PPP1R13B: variants seen among roughly 807,000 people sequenced by gnomAD.
PPP1R13B encodes apoptosis-stimulating of p53 protein 1.
PPP1R13B carries 44 observed loss-of-function variants against 119.8 expected under a neutral mutation model. The observed-to-expected ratio is 0.37, with a 90% confidence interval of 0.29 to 0.47. The LOEUF (loss-of-function observed/expected upper bound fraction) is 0.47. PPP1R13B is among the 20% of genes least tolerant of loss of function. The pLI is 0.99. For missense variants in PPP1R13B, 1,227 were observed against 1,413.5 expected, an observed-to-expected ratio of 0.87 and a Z score of 2.12; for synonymous variants, 542 against 561.5, an observed-to-expected ratio of 0.97 and a Z score of 0.49.
intron 4 of PPP1R13B, among the ~76,000 whole-genome samples, chr14:103,774,273 A>G (rs1410907882): frequency 6.6e-6 from 1 of 152,182 alleles, no homozygotes; most frequent in Non-Finnish European, 1.5e-5. Flanking sequence ...ACTGACTCAG[A>G]TTTTAAAACT....
intron 1 of PPP1R13B, among the ~76,000 whole-genome samples, chr14:103,811,991 C>T (rs568398753): frequency 2.3e-5 from 3 of 128,734 alleles, no homozygotes; most frequent in Non-Finnish European, 3.1e-5. Flanking sequence ...ACCTGGGAGG[C>T]GGAGCTTGCG....
At chr14:103,751,465 C>A (rs190576983) in intron 7 of PPP1R13B, among the ~76,000 whole-genome samples, 2 of 152,316 alleles carry the variant, frequency 1.3e-5, no homozygotes, top group African/African-American at 4.8e-5. Flanking sequence ...AGACCTATTT[C>A]TGGCTTGAAA....
intron 1 of PPP1R13B, among the ~76,000 whole-genome samples, chr14:103,814,912 T>A (rs557733490): frequency 6.6e-6 from 1 of 151,620 alleles, no homozygotes; most frequent in South Asian, 2.1e-4. Flanking sequence ...ACCACTGCAC[T>A]GCAGCCTGGG....
At chr14:103,735,948 A>C (rs1018947609) in intron 16 of PPP1R13B, 55 bp downstream of exon 16, 2 of 1,579,242 alleles carry the variant, frequency 1.3e-6, no homozygotes, top group African/African-American at 2.7e-5. Context: ...ATAGGACCGC[A>C]TGCTGTACAG....
At chr14:103,813,753 C>T (rs1036440461) in intron 1 of PPP1R13B, among the ~76,000 whole-genome samples, 7 of 152,182 alleles carry the variant, frequency 4.6e-5, no homozygotes, top group African/African-American at 1.7e-4. Flanking sequence ...CGTATAGATA[C>T]GTGTCTGAGT....
chr14:103,764,964 GC>G (rs1399115661), intron 4 of PPP1R13B, among the ~76,000 whole-genome samples: 7 of 152,172 alleles, frequency 4.6e-5, no homozygotes, highest in African/African-American at 1.7e-4. Context: ...GACTACAGAC[GC>G]CCGCCACCAC....
chr14:103,808,458 T>C (rs1280606772), intron 1 of PPP1R13B, among the ~76,000 whole-genome samples: 1 of 152,104 alleles, frequency 6.6e-6, no homozygotes, highest in African/African-American at 2.4e-5. Context: ...GAAAAAAAGA[T>C]CATTAAAAAA....
At chr14:103,777,922 G>A (rs1239265187) in intron 4 of PPP1R13B, among the ~76,000 whole-genome samples, 1 of 151,300 alleles carries the variant, frequency 6.6e-6, no homozygotes, top group Non-Finnish European at 1.5e-5. Flanking sequence ...AGCCTCCTGA[G>A]TAGCTGGGAC....
intron 1 of PPP1R13B, among the ~76,000 whole-genome samples, chr14:103,822,030 C>T (rs191901216): frequency 6.6e-6 from 1 of 152,280 alleles, no homozygotes; most frequent in Admixed American, 6.5e-5. Flanking sequence ...AAACCAAGAC[C>T]TTCCCATGCA....
chr14:103,794,184 T>C (rs1354270061), intron 2 of PPP1R13B, among the ~76,000 whole-genome samples: 1 of 152,224 alleles, frequency 6.6e-6, no homozygotes, highest in Non-Finnish European at 1.5e-5. Flanking sequence ...GGCACTTTGT[T>C]ACGGCAGCCT....
chr14:103,754,362 C>T (rs1326490097), intron 5 of PPP1R13B, 118 bp from the exon 6 acceptor site: 25 of 888,208 alleles, frequency 2.8e-5, no homozygotes, highest in Middle Eastern at 3.5e-4. Context: ...GTCAGGAGTT[C>T]GAGACCAGCC....
At chr14:103,744,907 G>A (rs1339956781) in intron 9 of PPP1R13B, among the ~76,000 whole-genome samples, 4 of 152,202 alleles carry the variant, frequency 2.6e-5, no homozygotes, top group Non-Finnish European at 5.9e-5. Context: ...TCTCCTTGCT[G>A]CAACCCCTTG....
chr14:103,758,248 G>A (rs912557362), intron 4 of PPP1R13B, among the ~76,000 whole-genome samples: 1 of 152,146 alleles, frequency 6.6e-6, no homozygotes, highest in Non-Finnish European at 1.5e-5. Context: ...CACATCATCC[G>A]AGAGAATTAC....
chr14:103,811,606 T>G (rs2086157808), intron 1 of PPP1R13B, among the ~76,000 whole-genome samples: 2 of 152,100 alleles, frequency 1.3e-5, no homozygotes, highest in South Asian at 4.1e-4. Flanking sequence ...GAGGATTGCT[T>G]GAGCCCAGAA....
At chr14:103,814,718 G>A (rs1447949742) in intron 1 of PPP1R13B, among the ~76,000 whole-genome samples, 1 of 152,168 alleles carries the variant, frequency 6.6e-6, no homozygotes, top group African/African-American at 2.4e-5. Context: ...AGCCAAGGTG[G>A]GCGGATCACG....
chr14:103,738,628 T>C lies in PPP1R13B; in HGVS notation c.2864+51A>G, dbSNP rs1410376122. 2.5e-6 allele frequency: 4 copies of C among 1,605,638 alleles called. No individual in the cohort carries two copies. The highest frequency in any genetic ancestry group is 3.4e-6 in the Non-Finnish European group (4 of 1,173,534). On this transcript the variant is annotated intron_variant, in intron 14 of 16. Coordinates refer to ENST00000202556, the MANE Select transcript of PPP1R13B (RefSeq NM_015316.3). This position sits in a 1 kb window ranked among gnomAD's most constrained non-coding sequence, Gnocchi z 5.6. ...GTCTAGAACACGCCTGTTTTCCTTA[T>C]GCAAAGCAGGGAAAGTAAATCTGTC...
At chr14:103,815,215 A>G (rs1463202997) in intron 1 of PPP1R13B, among the ~76,000 whole-genome samples, 1 of 152,208 alleles carries the variant, frequency 6.6e-6, no homozygotes, top group Non-Finnish European at 1.5e-5. Context: ...GTTTTTATAA[A>G]ATGTCCAAAA....
chr14:103,829,823 G>A (rs535921964), intron 1 of PPP1R13B, among the ~76,000 whole-genome samples: 6 of 152,138 alleles, frequency 3.9e-5, no homozygotes, highest in African/African-American at 1.2e-4. Context: ...TCTGTCACCA[G>A]GCTGGAGTGC....
chr14:103,815,662 G>A (rs549751025), intron 1 of PPP1R13B, among the ~76,000 whole-genome samples: 3 of 152,222 alleles, frequency 2.0e-5, no homozygotes, highest in Admixed American at 1.3e-4. Context: ...GGCTGAGGCA[G>A]GAGAATCGCT....
Sources: gnomAD v4.1 joint callset for allele counts (sites outside exome capture counted in the v4.1 genomes callset) on GRCh38, gnomAD v4.1.1 for gene constraint, Gnocchi (gnomAD v3.1) non-coding constraint, MANE v1.5 for transcripts, NCBI Gene and HGNC (gene_info 2026-07-23, HGNC 2026-07-21) for gene names.